Variants in CELSR1 observed in about 807,000 individuals in gnomAD.
CELSR1 encodes adhesion G protein-coupled receptor C1.
CELSR1 carries 110 observed loss-of-function variants against 249.1 expected under a neutral mutation model. The observed-to-expected ratio is 0.44, with a 90% CI of 0.38 to 0.52. The LOEUF is 0.52. CELSR1 is among the 20% of genes least tolerant of loss of function. The pLI, the probability that CELSR1 is intolerant of heterozygous loss-of-function variation, is 0.00. For synonymous variants in CELSR1, 2,113 were observed against 1,900.0 expected, an observed-to-expected ratio of 1.11 and a Z score of -2.92; for missense variants, 4,109 against 4,296.4, an observed-to-expected ratio of 0.96 and a Z score of 1.22.
rs1227633759 is a variant in CELSR1 at position 46,447,463 on chromosome 22, A to G, written c.4184-8052T>C. The stretch of plus-strand genomic sequence containing the variant: ...AGTCATTCAAACCTGGGGGAAATTC[A>G]CCCATACTCTGCACACCCCCATCAC... On this transcript the variant is annotated intron_variant, in intron 2 of 34. Coordinates refer to ENST00000674500, the MANE Select transcript of CELSR1 (RefSeq NM_001378328.1). The surrounding 1 kb of genome is among the most constrained non-coding windows in gnomAD (Gnocchi z 4.7). Among the ~76,000 whole-genome samples, 2 of 151,906 alleles carry G rather than the reference A, an allele frequency of 1.3e-5. No individual in the cohort carries two copies. Among genetic ancestry groups the G allele is most frequent in the Non-Finnish European group, 2.9e-5 (2 of 67,976 alleles).
At position 46,410,392 on chromosome 22, in the gene CELSR1, C is replaced by T; in HGVS notation, c.4933+6G>A. ...GCAGCTCCGACGCCCTGACGGCCAC[C>T]CGTACCTTCCCGGGTGCCATTGTTG... On this transcript the variant is annotated splice_donor_region_variant and intron_variant, in intron 7 of 34. Transcript: ENST00000674500. The surrounding 1 kb of genome is among the most constrained non-coding windows in gnomAD (Gnocchi z 6.8). 5 of 1,612,452 alleles carry T rather than the reference C, an allele frequency of 3.1e-6. No individual in the cohort carries two copies. Among genetic ancestry groups the T allele is most frequent in the Non-Finnish European group, 4.2e-6 (5 of 1,178,804 alleles).
chr22:46,504,750 A>C (rs1286314692), intron 1 of CELSR1, among the ~76,000 whole-genome samples: 1 of 152,194 alleles, frequency 6.6e-6, no homozygotes, highest in Non-Finnish European at 1.5e-5. Flanking sequence ...ACGGTTATCA[A>C]ATGTGAGGTA....
chr22:46,404,538 G>A (rs1244052150), intron 9 of CELSR1, among the ~76,000 whole-genome samples: 1 of 152,132 alleles, frequency 6.6e-6, no homozygotes, highest in East Asian at 1.9e-4. Flanking sequence ...GTTTTAACTG[G>A]CTGTAAAGAT....
rs916200187 is a variant in CELSR1 at position 46,473,076 on chromosome 22, G to A, written c.3545-8731C>T. On this transcript the variant is annotated intron_variant, in intron 1 of 34. Transcript: ENST00000674500. This position sits in a 1 kb window ranked among gnomAD's most constrained non-coding sequence, Gnocchi z 6.6. Reference sequence around the variant, plus strand: ...GAGAGACACGGGCACGGAGGCAGGGGGTGGGTGAACCTCCGACTGCTGCCG... The same window carrying A: ...GAGAGACACGGGCACGGAGGCAGGGAGTGGGTGAACCTCCGACTGCTGCCG... Among the ~76,000 whole-genome samples the A allele has an allele frequency of 3.3e-5, 5 of 152,144 alleles. No homozygotes were observed. The highest frequency in any genetic ancestry group is 2.6e-4 in the Admixed American group (4 of 15,264).
At position 46,415,862 on chromosome 22, in the gene CELSR1, A is replaced by G. The variant is rs148314493; in HGVS notation, c.4612-4103T>C. Among the ~76,000 whole-genome samples, 376 of 152,344 alleles carry G rather than the reference A, an allele frequency of 2.5e-3. 3 individuals are homozygous for G. Among genetic ancestry groups the G allele is most frequent in the African/African-American group, 8.1e-3 (338 of 41,574 alleles). ...TTACACAGGCGGCTTGAATAGGGAT[A>G]AGTGAAAACAGCAGCAGATGTGTGT... On this transcript the variant is annotated intron_variant, in intron 5 of 34. Transcript: ENST00000674500.
rs1466953502 is a variant in CELSR1 at position 46,429,469 on chromosome 22, A to G, written c.4611+3924T>C. 6.6e-6 allele frequency among the ~76,000 whole-genome samples: 1 copy of G among 152,226 alleles called. No individual in the cohort carries two copies. The highest frequency in any genetic ancestry group is 1.5e-5 in the Non-Finnish European group (1 of 68,040). ...TGTGTTGTTCATCTGTGCTTGGCGGAGCGCCACACAAATGTACAAGTGCCT... is the reference window on the plus strand; with the variant it reads ...TGTGTTGTTCATCTGTGCTTGGCGGGGCGCCACACAAATGTACAAGTGCCT... On this transcript the variant is annotated intron_variant, in intron 5 of 34. Coordinates refer to ENST00000674500, the MANE Select transcript of CELSR1 (RefSeq NM_001378328.1). The surrounding 1 kb of genome is among the most constrained non-coding windows in gnomAD (Gnocchi z 4.1).
rs972147893 is a variant in CELSR1, at chr22:46,362,411, G to A, written c.*812C>T. The A allele has an allele frequency of 5.2e-5, 8 of 152,634 alleles. No homozygotes were observed. The highest frequency in any genetic ancestry group is 1.9e-4 in the East Asian group (1 of 5,206). 9.5% of individuals were successfully genotyped at this position (152,634 alleles called of 1,614,324 possible). A position where few individuals can be genotyped will look rare whatever the true frequency, so the allele number is the denominator to read the frequency against. On this transcript the variant is annotated 3_prime_UTR_variant, in exon 35 of 35. Coordinates refer to ENST00000674500, the MANE Select transcript of CELSR1 (RefSeq NM_001378328.1). ...AGCAGAGGACAAACGCACACACAGC[G>A]AACACTGGGGACCCAGGGGGCCGGC...
chr22:46,382,095 G>A (rs905654779), intron 20 of CELSR1, 45 bp from the exon 21 acceptor site: 1 of 1,458,542 alleles, frequency 6.9e-7, no homozygotes, highest in African/African-American at 1.4e-5. Flanking sequence ...GAGCACCTGT[G>A]TTCCCCAAGA....
intron 12 of CELSR1, among the ~76,000 whole-genome samples, chr22:46,397,292 T>TC (rs2147275847): frequency 6.7e-6 from 1 of 148,396 alleles, no homozygotes; most frequent in East Asian, 1.9e-4. Context: ...TTTTTTTTTT[T>TC]TTTTTTTTTC....
In CELSR1 at chr22:46,369,260, T is replaced by C; in HGVS notation, c.7873-2A>G. The C allele has an allele frequency of 1.3e-6, 2 of 1,555,842 alleles. No individual in the cohort carries two copies. Among genetic ancestry groups the C allele is most frequent in the Non-Finnish European group, 1.7e-6 (2 of 1,149,684 alleles). ...TAGGACAGAAGTGACTGTGTTGATC[T>C]GAAAACAAAACAAGCCGATCAATGT... is the stretch of plus-strand genomic sequence containing the variant. On this transcript the variant is annotated splice_acceptor_variant, in intron 26 of 34. Coordinates refer to ENST00000674500, the MANE Select transcript of CELSR1 (RefSeq NM_001378328.1). LOFTEE classifies it high-confidence loss of function.
At chr22:46,373,998 C>G (rs1007107939) in intron 24 of CELSR1, among the ~76,000 whole-genome samples, 3 of 152,234 alleles carry the variant, frequency 2.0e-5, no homozygotes, top group African/African-American at 7.2e-5. Context: ...GAAGGGCCAG[C>G]CACCCTCCAG....
Position 46,391,803 on chromosome 22 carries a change from T to C in CELSR1, c.5978A>G (p.Lys1993Arg). The change falls in exon 15 of 35, where the codon AAG becomes AGG. Residue 1993 changes from lysine (K) to arginine (R), a missense_variant. Lys to Arg is a conservative substitution (Grantham distance 26, BLOSUM62 2). This residue lies in a region of CELSR1 where 1,805 missense variants were observed against 1,831.6 expected (regional missense o/e 0.99). Coordinates refer to ENST00000674500, the MANE Select transcript of CELSR1 (RefSeq NM_001378328.1). The surrounding 1 kb of genome is among the most constrained non-coding windows in gnomAD (Gnocchi z 4.3). Reference protein sequence around the residue: ...GQCQCKENYYKLLAQDTCLPC... With the variant: ...GQCQCKENYYRLLAQDTCLPC... ...CAGACAGGTGTCCTGGGCTAGGAGC[T>C]TGTAGTAATTCTCCTGCAAAAGCCA... is the stretch of plus-strand genomic sequence containing the variant. 1.2e-6 allele frequency: 2 copies of C among 1,609,826 alleles called. No individual in the cohort carries two copies. The highest frequency in any genetic ancestry group is 1.7e-6 in the Non-Finnish European group (2 of 1,179,028).
At position 46,535,005 on chromosome 22, in the gene CELSR1, G is replaced by A. The variant is rs541210438; in HGVS notation, c.2166C>T (p.Tyr722=). 3 of 1,612,168 alleles carry A rather than the reference G, an allele frequency of 1.9e-6. No individual in the cohort carries two copies. The highest frequency in any genetic ancestry group is 2.5e-6 in the Non-Finnish European group (3 of 1,179,586). ...TCCGGGTGTTGCCGCCTGTGAGCTGGTAGGTAATCACACTGTTGGCGTCAC... is the reference window on the plus strand; with the variant it reads ...TCCGGGTGTTGCCGCCTGTGAGCTGATAGGTAATCACACTGTTGGCGTCAC... ...RDRDANSVIT[Y]QLTGGNTRNR... Residue 722 remains tyrosine (Y), a synonymous_variant, in exon 1 of 35, where the codon TAC becomes TAT. Coordinates refer to ENST00000674500, the MANE Select transcript of CELSR1 (RefSeq NM_001378328.1).
chr22:46,536,549 G>GCGTCCCCGCGGTGGC lies in CELSR1; in HGVS notation c.607_621dup (p.Ala203_Thr207dup). 3.0e-6 allele frequency: 4 copies of GCGTCCCCGCGGTGGC among 1,352,404 alleles called. No homozygotes were observed. The highest frequency in any genetic ancestry group is 3.8e-6 in the Non-Finnish European group (4 of 1,059,398). The allele number at this position is 1,352,404 out of a possible 1,614,324, so 83.8% of individuals were successfully genotyped here. On this transcript the variant is annotated inframe_insertion, in exon 1 of 35. Coordinates refer to ENST00000674500, the MANE Select transcript of CELSR1 (RefSeq NM_001378328.1). ...GGCGATGGGGATGGCGACGCGGAGG[G>GCGTCCCCGCGGTGGC]CGTCCCCGCGGTGGCGGCCTCCAGC... is the stretch of plus-strand genomic sequence containing the variant.
chr22:46,369,185 C>A lies in CELSR1; in HGVS notation c.7946G>T (p.Gly2649Val). 3 of 1,614,016 alleles carry A rather than the reference C, an allele frequency of 1.9e-6. No individual in the cohort carries two copies. The highest frequency in any genetic ancestry group is 2.5e-6 in the Non-Finnish European group (3 of 1,179,902). The change falls in exon 27 of 35, where the codon GGG (glycine) becomes GTG (valine). Residue 2649 changes from glycine (G) to valine (V), a missense_variant. Gly to Val is a moderately radical substitution (Grantham distance 109). Coordinates refer to ENST00000674500, the MANE Select transcript of CELSR1 (RefSeq NM_001378328.1). ...CAGGTTCAGCCCCACTTACACGATC[C>A]CTTTTTTCCCATAATAATGGTGCTT... ...QRKHHYYGKK[G>V]IVSLLRTAFL...
At chr22:46,389,560 T>C in intron 17 of CELSR1, 61 bp from the exon 18 acceptor site, 1 of 1,523,770 alleles carries the variant, frequency 6.6e-7, no homozygotes, top group Non-Finnish European at 9.0e-7. Flanking sequence ...CAGTCCCTGC[T>C]GTTACTCAGC....
At position 46,374,852 on chromosome 22, in the gene CELSR1, G is replaced by A. The variant is rs1157819411; in HGVS notation, c.7585-1795C>T. Among the ~76,000 whole-genome samples, 3 of 152,194 alleles carry A rather than the reference G, an allele frequency of 2.0e-5. No individual in the cohort carries two copies. Among genetic ancestry groups the A allele is most frequent in the Admixed American group, 2.0e-4 (3 of 15,292 alleles). On this transcript the variant is annotated intron_variant, in intron 24 of 34. Coordinates refer to ENST00000674500, the MANE Select transcript of CELSR1 (RefSeq NM_001378328.1). The surrounding 1 kb of genome is among the most constrained non-coding windows in gnomAD (Gnocchi z 4.3). ...GAAGAAACCCCTCCGCAGGAGCAGC[G>A]ACCCTGCCATATGGGCCCCGCACAC...
Position 46,526,269 on chromosome 22 carries a change from G to C in CELSR1, c.3544+7358C>G, listed in dbSNP as rs898050925. ...CGAAGCTTGGCCACAGTAGCCCTTT[G>C]GGAGACAATGAGGAAGACCTGACAC... On this transcript the variant is annotated intron_variant, in intron 1 of 34. Transcript: ENST00000674500. This position sits in a 1 kb window ranked among gnomAD's most constrained non-coding sequence, Gnocchi z 4.7. Among the ~76,000 whole-genome samples, 2 of 152,190 alleles carry C rather than the reference G, an allele frequency of 1.3e-5. No homozygotes were observed. The highest frequency in any genetic ancestry group is 2.9e-5 in the Non-Finnish European group (2 of 68,038).
rs369680213 is a variant in CELSR1, at chr22:46,391,615, T to C, written c.6148+18A>G. ...TCCCCGCGCTGTAACCTGCAGGGTG[T>C]CGAGGGGCAACGCGGACCTTCACAG... is the stretch of plus-strand genomic sequence containing the variant. On this transcript the variant is annotated intron_variant, in intron 15 of 34. Coordinates refer to ENST00000674500, the MANE Select transcript of CELSR1 (RefSeq NM_001378328.1). This position sits in a 1 kb window ranked among gnomAD's most constrained non-coding sequence, Gnocchi z 4.3. 158 of 1,575,236 alleles carry C rather than the reference T, an allele frequency of 1.0e-4. No homozygotes were observed. In the African/African-American group the frequency reaches 2.0e-3, roughly 20 times the overall value.
Sources: allele counts gnomAD v4.1 joint callset (sites outside exome capture counted in the v4.1 genomes callset), GRCh38; gene constraint gnomAD v4.1.1; regional missense constraint gnomAD v4.1.1; non-coding constraint Gnocchi (gnomAD v3.1); transcripts MANE v1.5; gene names NCBI Gene and HGNC (gene_info 2026-07-23, HGNC 2026-07-21).